The following EDA variants were observed in gnomAD, a reference collection of about 807,000 sequenced individuals.
EDA encodes the protein ectodysplasin-A.
Under a neutral mutation model 23.6 loss-of-function variants are expected in EDA, and 2 were observed. The ratio of observed to expected loss-of-function variants is 0.08; its 90% CI spans 0.03 to 0.27. EDA has a LOEUF of 0.27. Among genes scored for constraint, EDA ranks in the 10% least tolerant of loss-of-function variants. The probability of loss-of-function intolerance (pLI) is 1.00; values close to 1 mark genes in which losing one functional copy is unlikely to be tolerated. For synonymous variants in EDA, 131 were observed against 132.0 expected, an observed-to-expected ratio of 0.99 and a Z score of 0.05; for missense variants, 229 against 324.2, an observed-to-expected ratio of 0.71 and a Z score of 2.26.
intron 1 of EDA, among the ~76,000 whole-genome samples, chrX:69,675,555 A>G: frequency 9.1e-6 from 1 of 109,874 alleles, no homozygotes; most frequent in South Asian, 4.1e-4. Context: ...TTGCCCTGCT[A>G]TATGAATTCA....
chrX:69,636,013 T>G (rs981487838), intron 1 of EDA, among the ~76,000 whole-genome samples: 2 of 110,624 alleles, frequency 1.8e-5, no homozygotes, highest in African/African-American at 6.6e-5. Context: ...TCCTATAAAA[T>G]TCTATGCTTA....
chrX:69,920,962 A>G (rs2018422034), intron 1 of EDA, among the ~76,000 whole-genome samples: 1 of 109,092 alleles, frequency 9.2e-6, no homozygotes, highest in Admixed American at 9.9e-5. Flanking sequence ...TTATTTATTT[A>G]TTTATTTATT....
At chrX:70,003,011 C>T (rs1426012722) in intron 2 of EDA, among the ~76,000 whole-genome samples, 2 of 112,240 alleles carry the variant, frequency 1.8e-5, no homozygotes, top group African/African-American at 3.2e-5. Context: ...CAGGACCGTC[C>T]TTTATAATTG....
chrX:69,793,641 T>C (rs2015473064), intron 1 of EDA, among the ~76,000 whole-genome samples: 1 of 98,949 alleles, frequency 1.0e-5, no homozygotes, highest in South Asian at 5.0e-4. Context: ...TTTCTGAGGA[T>C]AGCAGTTTTA....
intron 1 of EDA, among the ~76,000 whole-genome samples, chrX:69,877,020 C>A (rs961068268): frequency 1.2e-4 from 13 of 112,371 alleles, no homozygotes; most frequent in Admixed American, 1.9e-4. Context: ...AACTGTTTTG[C>A]AAAATGACCA....
intron 2 of EDA, among the ~76,000 whole-genome samples, chrX:70,014,703 A>AT (rs1198583845): frequency 1.8e-5 from 2 of 112,348 alleles, no homozygotes; most frequent in African/African-American, 6.5e-5. Flanking sequence ...TGAAATAGAC[A>AT]TTTTAAGAAA....
At chrX:70,026,058 G>C (rs978965357) in intron 3 of EDA, among the ~76,000 whole-genome samples, 3 of 112,395 alleles carry the variant, frequency 2.7e-5, no homozygotes, top group African/African-American at 9.7e-5. Context: ...CTGCCTAAGT[G>C]TCTGGGGAGC....
rs186717558 is a variant in EDA, at chrX:69,867,803, G to C, written c.397-89224G>C. Among the ~76,000 whole-genome samples, 708 of 111,948 alleles carry C rather than the reference G, an allele frequency of 6.3e-3. 8 individuals carry two copies. The highest frequency in any genetic ancestry group is 0.022 in the African/African-American group (680 of 30,856). On this transcript the variant is annotated intron_variant, in intron 1 of 7. Transcript: ENST00000374552. ...AGGGTGGCAGGAGTGGAGACCATGG[G>C]CATTTGAGCCACTTCCTCATGTAAC...
At chrX:69,796,794 T>C (rs1329380627) in intron 1 of EDA, among the ~76,000 whole-genome samples, 1 of 111,508 alleles carries the variant, frequency 9.0e-6, no homozygotes, top group Non-Finnish European at 1.9e-5. Flanking sequence ...CTGAGTGAGA[T>C]ACAAGAGAAT....
At chrX:69,713,724 G>A (rs1262490686) in intron 1 of EDA, among the ~76,000 whole-genome samples, 1 of 111,751 alleles carries the variant, frequency 8.9e-6, no homozygotes, top group Non-Finnish European at 1.9e-5. Context: ...GCTGAGTAAT[G>A]TTTCATTGTG....
In EDA at chrX:69,841,144, CAT is replaced by C. The variant is rs1253784236; in HGVS notation, c.397-115882_397-115881del. Among the ~76,000 whole-genome samples the C allele has an allele frequency of 3.6e-5, 4 of 112,116 alleles. No individual in the cohort carries two copies. In the South Asian group the frequency reaches 1.5e-3, roughly 42 times the overall value. On this transcript the variant is annotated intron_variant, in intron 1 of 7. Transcript: ENST00000374552. Reference sequence around the variant, plus strand: ...CAGCTGTTTGTTCCATGAATTTTAACATGTTTGTATTATCTTCATAATAAAAA... The same window carrying C: ...CAGCTGTTTGTTCCATGAATTTTAACGTTTGTATTATCTTCATAATAAAAA...
At chrX:69,749,217 C>T (rs1172019731) in intron 1 of EDA, among the ~76,000 whole-genome samples, 1 of 85,217 alleles carries the variant, frequency 1.2e-5, no homozygotes, top group East Asian at 3.8e-4. Context: ...CGATAGTTTA[C>T]TGAGAATGAT....
rs754715189 is a variant in EDA, at chrX:69,644,825, G to C, written c.396+28121G>C. Among the ~76,000 whole-genome samples the C allele has an allele frequency of 7.2e-5, 8 of 111,460 alleles. No individual in the cohort carries two copies. The East Asian group carries it at 1.4e-3, about 20-fold the overall frequency. On this transcript the variant is annotated intron_variant, in intron 1 of 7. Coordinates refer to ENST00000374552, the MANE Select transcript of EDA (RefSeq NM_001399.5). ...TTTATTGAGAGATTTTAACGTGAAG[G>C]GATGTTGAATTTTATTGAAGGCCTT...
chrX:69,728,228 A>T (rs1412367679), intron 1 of EDA, among the ~76,000 whole-genome samples: 2 of 76,151 alleles, frequency 2.6e-5, no homozygotes. Context: ...TGGGCGGCAG[A>T]GTGAGACTCC....
chrX:69,647,697 G>C (rs1932968703), intron 1 of EDA, among the ~76,000 whole-genome samples: 1 of 111,731 alleles, frequency 9.0e-6, no homozygotes, highest in Non-Finnish European at 1.9e-5. Flanking sequence ...CATCTATTCA[G>C]CCATCTCAGC....
At chrX:69,961,988 T>A (rs996059535) in intron 2 of EDA, among the ~76,000 whole-genome samples, 1 of 112,146 alleles carries the variant, frequency 8.9e-6, no homozygotes, top group Non-Finnish European at 1.9e-5. Flanking sequence ...AGAACTTTAT[T>A]TTCTAGTTAG....
At chrX:70,034,727 C>A (rs756248198) in intron 7 of EDA, among the ~76,000 whole-genome samples, 3 of 111,811 alleles carry the variant, frequency 2.7e-5, no homozygotes, top group East Asian at 2.8e-4. Flanking sequence ...TTTCCAAATT[C>A]TTTGTCTTGT....
At chrX:69,822,895 G>A (rs1464573769) in intron 1 of EDA, among the ~76,000 whole-genome samples, 3 of 89,570 alleles carry the variant, frequency 3.3e-5, no homozygotes, top group Non-Finnish European at 6.3e-5. Flanking sequence ...CCCTTCCTGT[G>A]TCCATGTGTT....
chrX:69,905,762 G>A lies in EDA; in HGVS notation c.397-51265G>A, dbSNP rs1199125433. ...AGTCTTTTTCTGTTGATGTTGACCCGTTCTAGCCCCTCCGAACCTAAGGTT... is the reference window on the plus strand; with the variant it reads ...AGTCTTTTTCTGTTGATGTTGACCCATTCTAGCCCCTCCGAACCTAAGGTT... On this transcript the variant is annotated intron_variant, in intron 1 of 7. Coordinates refer to ENST00000374552, the MANE Select transcript of EDA (RefSeq NM_001399.5). Among the ~76,000 whole-genome samples the A allele has an allele frequency of 6.3e-5, 7 of 111,162 alleles. No homozygotes were observed. In the East Asian group the frequency reaches 8.5e-4, roughly 13 times the overall value.
Sources: gnomAD v4.1 joint callset for allele counts (sites outside exome capture counted in the v4.1 genomes callset) on GRCh38, gnomAD v4.1.1 for gene constraint, MANE v1.5 for transcripts, NCBI Gene and HGNC (gene_info 2026-07-23, HGNC 2026-07-21) for gene names.